COL18A1: variants seen among roughly 807,000 people sequenced by gnomAD.
The protein encoded by COL18A1 is collagen alpha-1(XVIII) chain.
COL18A1 carries 133 observed loss-of-function variants against 168.0 expected under a neutral mutation model. The observed-to-expected ratio is 0.79, with a 90% CI of 0.69 to 0.91. COL18A1 has a LOEUF of 0.91. Ranked by LOEUF, COL18A1 falls within the 40% of genes least tolerant of loss-of-function variation. The probability of loss-of-function intolerance (pLI) is 0.00; values close to 1 mark genes in which losing one functional copy is unlikely to be tolerated. For synonymous variants in COL18A1, 949 were observed against 809.0 expected, an observed-to-expected ratio of 1.17 and a Z score of -2.94; for missense variants, 2,126 against 1,925.4, an observed-to-expected ratio of 1.10 and a Z score of -1.95.
intron 39 of COL18A1, among the ~76,000 whole-genome samples, 197 bp from the exon 40 acceptor site, chr21:45,509,867 G>A (rs917069631): frequency 1.3e-5 from 2 of 152,196 alleles, no homozygotes; most frequent in Non-Finnish European, 2.9e-5. Context: ...GGGCACCCAC[G>A]TGGCCCGGGG....
chr21:45,468,228 C>CT lies in COL18A1; in HGVS notation c.107-11dup. 6.2e-7 allele frequency: 1 copy of CT among 1,612,840 alleles called. No individual in the cohort carries two copies. The highest frequency in any genetic ancestry group is 8.5e-7 in the Non-Finnish European group (1 of 1,180,006). ...CCTGCACAGCCACCTCACCAGCTGT[C>CT]TTTCTTTTTGCAGAGCGCATCAGCG... is the stretch of plus-strand genomic sequence containing the variant. On this transcript the variant is annotated splice_polypyrimidine_tract_variant and intron_variant, in intron 2 of 41. Transcript: ENST00000651438.
chr21:45,500,524 TGGGTGTGTA>T (rs1281869401), intron 32 of COL18A1, among the ~76,000 whole-genome samples: 1 of 36,458 alleles, frequency 2.7e-5, no homozygotes, highest in Non-Finnish European at 4.9e-5. Context: ...TGGTGTGTGT[TGGGTGTGTA>T]GGGTGTGGTT....
chr21:45,437,924 GCACA>G (rs747683284), intron 2 of COL18A1, among the ~76,000 whole-genome samples: 8 of 37,626 alleles, frequency 2.1e-4, no homozygotes, highest in South Asian at 9.8e-4. Flanking sequence ...GCACTCTCCT[GCACA>G]CACACACACA....
In COL18A1 at chr21:45,511,137, G is replaced by C. The variant is rs775914045; in HGVS notation, c.3720G>C (p.Glu1240Asp). ...LKDELLFPSW[E>D]ALFSGSEGPL... ...ACGAGCTGCTGTTTCCCAGCTGGGAGGCTCTGTTCTCAGGCTCTGAGGGTC... is the reference window on the plus strand; with the variant it reads ...ACGAGCTGCTGTTTCCCAGCTGGGACGCTCTGTTCTCAGGCTCTGAGGGTC... The change falls in exon 41 of 42, where the codon GAG (glutamate) becomes GAC (aspartate). Residue 1240 changes from glutamate to aspartate, a missense_variant. Coordinates refer to ENST00000651438, the MANE Select transcript of COL18A1 (RefSeq NM_001379500.1). 3.1e-5 allele frequency: 50 copies of C among 1,592,912 alleles called. No homozygotes were observed. In the East Asian group the frequency reaches 1.1e-3, roughly 36 times the overall value.
intron 2 of COL18A1, chr21:45,410,103 C>T (rs1014099767): frequency 3.9e-5 from 6 of 152,330 alleles, no homozygotes; most frequent in East Asian, 3.9e-4. Flanking sequence ...GCCTTCCCCC[C>T]GCAGCTCCTC....
chr21:45,481,215 G>C (rs933575600), intron 13 of COL18A1, among the ~76,000 whole-genome samples: 3 of 152,206 alleles, frequency 2.0e-5, no homozygotes, highest in African/African-American at 7.2e-5. Flanking sequence ...GGCCAGGGGA[G>C]GGAGGAGCCT....
chr21:45,411,572 C>T (rs752341935), intron 2 of COL18A1, among the ~76,000 whole-genome samples: 4 of 152,134 alleles, frequency 2.6e-5, no homozygotes, highest in South Asian at 2.1e-4. Flanking sequence ...CTGGAGGGCC[C>T]GGCGCTGTGA....
chr21:45,509,489 T>C lies in COL18A1; in HGVS notation c.3383T>C (p.Leu1128Pro). ...GACATCCTGGCCAGCCCCCCTCGCC[T>C]GCCCGAGCCCCAGCCCTACCCCGGA... ...ADDILASPPR[L>P]PEPQPYPGAP... The change falls in exon 39 of 42, where the codon CTG becomes CCG. Residue 1128 changes from leucine (L) to proline (P), a missense_variant. By Grantham distance (98) the Leu-to-Pro change is moderately conservative. Transcript: ENST00000651438. 6.6e-7 allele frequency: 1 copy of C among 1,524,380 alleles called. No homozygotes were observed. The highest frequency in any genetic ancestry group is 8.8e-7 in the Non-Finnish European group (1 of 1,132,168). The allele number at this position is 1,524,380 out of a possible 1,614,324, so 94.4% of individuals were successfully genotyped here.
chr21:45,505,042 A>T, intron 34 of COL18A1, 92 bp from the exon 35 acceptor site: 1 of 1,520,580 alleles, frequency 6.6e-7, no homozygotes, highest in Middle Eastern at 1.7e-4. Context: ...GCGCTCGCCA[A>T]GGGGGTCTTG....
chr21:45,435,071 T>G (rs1286457253), intron 2 of COL18A1, among the ~76,000 whole-genome samples: 1 of 151,958 alleles, frequency 6.6e-6, no homozygotes, highest in Admixed American at 6.5e-5. Context: ...GCCACTGTCC[T>G]GCTTTCTCGC....
chr21:45,460,517 C>T (rs542871197), intron 2 of COL18A1, among the ~76,000 whole-genome samples: 2 of 152,370 alleles, frequency 1.3e-5, no homozygotes, highest in Non-Finnish European at 2.9e-5. Flanking sequence ...GGTCATGTCA[C>T]CATGATGGCC....
chr21:45,456,276 G>A lies in COL18A1; in HGVS notation c.107-11966G>A, dbSNP rs552922627. 1.7e-5 allele frequency: 27 copies of A among 1,574,686 alleles called. No individual in the cohort carries two copies. In the African/African-American group the frequency reaches 3.7e-4, roughly 21 times the overall value. Reference sequence around the variant, plus strand: ...CTCTCGCCCGCCGCAGCCGCTCCCAGCCAGCAGCTCCAACGCCCTGACGTC... The same window carrying A: ...CTCTCGCCCGCCGCAGCCGCTCCCAACCAGCAGCTCCAACGCCCTGACGTC... On this transcript the variant is annotated intron_variant, in intron 2 of 41. Transcript: ENST00000651438.
intron 2 of COL18A1, among the ~76,000 whole-genome samples, chr21:45,464,988 T>C (rs2035153819): frequency 6.6e-6 from 1 of 152,060 alleles, no homozygotes; most frequent in Non-Finnish European, 1.5e-5. Flanking sequence ...TGCATGGGAG[T>C]CTTACTTTGC....
intron 38 of COL18A1, among the ~76,000 whole-genome samples, chr21:45,508,517 AGTGGATGG>A (rs1364019150): frequency 2.0e-5 from 3 of 147,932 alleles, no homozygotes; most frequent in African/African-American, 7.7e-5. Context: ...TAAGTGGGTT[AGTGGATGG>A]GTGGGTGGAT....
chr21:45,494,575 A>T lies in COL18A1; in HGVS notation c.2379+4A>T. On this transcript the variant is annotated splice_donor_region_variant and intron_variant, in intron 27 of 41. Coordinates refer to ENST00000651438, the MANE Select transcript of COL18A1 (RefSeq NM_001379500.1). Reference sequence around the variant, plus strand: ...GCCGGGCTTCCGAGGACCCCCGGTAAGTCGGTCCCTGGCTTTCTCTGCACT... The same window carrying T: ...GCCGGGCTTCCGAGGACCCCCGGTATGTCGGTCCCTGGCTTTCTCTGCACT... 6.2e-7 allele frequency: 1 copy of T among 1,613,160 alleles called. No homozygotes were observed. The highest frequency in any genetic ancestry group is 8.5e-7 in the Non-Finnish European group (1 of 1,179,982).
At chr21:45,472,612 C>T (rs1034985071) in intron 3 of COL18A1, among the ~76,000 whole-genome samples, 1 of 152,150 alleles carries the variant, frequency 6.6e-6, no homozygotes, top group Non-Finnish European at 1.5e-5. Flanking sequence ...CCCACCCCCA[C>T]GCAGTAGGTC....
At chr21:45,449,422 C>T (rs1360877746) in intron 2 of COL18A1, among the ~76,000 whole-genome samples, 1 of 152,154 alleles carries the variant, frequency 6.6e-6, no homozygotes, top group Non-Finnish European at 1.5e-5. Flanking sequence ...CAGGCTCTGC[C>T]GAGCGGTCAG....
intron 20 of COL18A1, 44 bp from the exon 21 acceptor site, chr21:45,490,792 C>T: frequency 1.9e-6 from 3 of 1,544,696 alleles, no homozygotes; most frequent in South Asian, 1.2e-5. Flanking sequence ...GCCAGGGGCT[C>T]CTGTTTCTGT....
chr21:45,502,327 C>T (rs1210088397), intron 32 of COL18A1, among the ~76,000 whole-genome samples: 2 of 152,332 alleles, frequency 1.3e-5, no homozygotes, highest in African/African-American at 4.8e-5. Flanking sequence ...GAAGGTTTGC[C>T]CAGGGCCGTC....
Sources: gnomAD v4.1 joint callset for allele counts (sites outside exome capture counted in the v4.1 genomes callset) on GRCh38, gnomAD v4.1.1 for gene constraint, MANE v1.5 for transcripts, NCBI Gene and HGNC (gene_info 2026-07-23, HGNC 2026-07-21) for gene names.